GET1: variants seen among roughly 807,000 people sequenced by gnomAD.
GET1 encodes guided entry of tail-anchored proteins factor 1.
Under a neutral mutation model 22.6 loss-of-function variants are expected in GET1, and 20 were observed. The ratio of observed to expected loss-of-function variants is 0.89; its 90% confidence interval spans 0.62 to 1.29. The LOEUF (loss-of-function observed/expected upper bound fraction) is 1.29. Among genes scored for constraint, GET1 ranks in the 50% most tolerant of loss-of-function variants. The pLI, the probability that GET1 is intolerant of heterozygous loss-of-function variation, is 0.00. For missense variants in GET1, 209 were observed against 219.9 expected, an observed-to-expected ratio of 0.95 and a Z score of 0.31; for synonymous variants, 92 against 83.8, an observed-to-expected ratio of 1.10 and a Z score of -0.53.
chr21:39,415,111 T>A (rs2040902600), intron 1 of GET1, among the ~76,000 whole-genome samples: 1 of 152,234 alleles, frequency 6.6e-6, no homozygotes, highest in East Asian at 1.9e-4. Flanking sequence ...TCTGTTGCCT[T>A]GGCTGGTCTT....
intron 1 of GET1, among the ~76,000 whole-genome samples, chr21:39,383,156 G>A (rs370085950): frequency 1.1e-4 from 16 of 151,710 alleles, no homozygotes; most frequent in African/African-American, 3.4e-4. Context: ...AGGTTTCACC[G>A]AATTAGCCAG....
downstream of GET1, among the ~76,000 whole-genome samples, chr21:39,398,896 C>G (rs561098280): frequency 6.6e-6 from 1 of 152,040 alleles, no homozygotes; most frequent in East Asian, 1.9e-4. Context: ...CCCGCCATGA[C>G]GCCCAGCTAA....
exon 2 of GET1, chr21:39,428,335 T>C: frequency 6.2e-7 from 1 of 1,613,730 alleles, no homozygotes; most frequent in Non-Finnish European, 8.5e-7. Context: ...AGCACTGAGA[T>C]CTGCTATAAT....
chr21:39,411,638 C>T, intron 1 of GET1: 1 of 652,380 alleles, frequency 1.5e-6, no homozygotes, highest in Non-Finnish European at 2.6e-6. Flanking sequence ...TGAAAATATC[C>T]ATTATTTTGT....
At position 39,380,427 on chromosome 21, in the gene GET1, C is replaced by T; in HGVS notation, c.43C>T (p.Leu15Phe). The T allele has an allele frequency of 6.2e-7, 1 of 1,612,916 alleles. No homozygotes were observed. Among genetic ancestry groups the T allele is most frequent in the Non-Finnish European group, 8.5e-7 (1 of 1,179,518 alleles). ...AADHWAWLLV[L>F]SFVFGCNVLR... The stretch of plus-strand genomic sequence containing the variant: ...CGACCACTGGGCGTGGTTGCTGGTG[C>T]TCAGCTTCGTGTTTGGATGCAATGT... The change falls in exon 1 of 5, where the codon CTC becomes TTC. Residue 15 changes from leucine to phenylalanine, a missense_variant. By Grantham distance (22) the Leu-to-Phe change is conservative. Transcript: ENST00000649170.
downstream of GET1, among the ~76,000 whole-genome samples, chr21:39,407,363 C>T (rs2147085670): frequency 6.6e-6 from 1 of 152,258 alleles, no homozygotes; most frequent in South Asian, 2.1e-4. Flanking sequence ...GTTTGGTCCC[C>T]GCTGGTGGGT....
rs8133460 is a variant in GET1 at position 39,417,828 on chromosome 21, T to G, written c.*23+6891T>G. Among the ~76,000 whole-genome samples the G allele has an allele frequency of 3.9e-5, 6 of 151,902 alleles. No homozygotes were observed. The East Asian group carries it at 5.8e-4, about 15-fold the overall frequency. The stretch of plus-strand genomic sequence containing the variant: ...TCGCCCAGGCTGGAGTGCGGTGGCG[T>G]GATCTCCGCTCACTGCAAGCTCCGC... On this transcript the variant is annotated intron_variant, in intron 1 of 1. Transcript: ENST00000478273.
chr21:39,418,134 A>G (rs1242447225), intron 1 of GET1, among the ~76,000 whole-genome samples: 1 of 152,190 alleles, frequency 6.6e-6, no homozygotes, highest in Non-Finnish European at 1.5e-5. Flanking sequence ...ACAGCATGGG[A>G]AAGACCTGCC....
At chr21:39,426,814 T>A (rs1027473889) in intron 1 of GET1, among the ~76,000 whole-genome samples, 1 of 152,232 alleles carries the variant, frequency 6.6e-6, no homozygotes, top group East Asian at 1.9e-4. Context: ...AGAGAAGTAC[T>A]GGACTTTTCA....
At chr21:39,393,069 T>G (rs1601628767) in intron 3 of GET1, 97 bp from the exon 4 acceptor site, 1 of 1,035,224 alleles carries the variant, frequency 9.7e-7, no homozygotes, top group Non-Finnish European at 1.5e-6. Context: ...GTCTGGAGAG[T>G]TTTCCTGGTT....
Position 39,390,901 on chromosome 21 carries a change from C to CG in GET1, c.268+40dup, listed in dbSNP as rs756513253. ...TTGCAGCCTGGAGGCTTCATGAGAGCGGATGAATAGAGAAGTCTGTATGTG... is the reference window on the plus strand; with the variant it reads ...TTGCAGCCTGGAGGCTTCATGAGAGCGGGATGAATAGAGAAGTCTGTATGTG... On this transcript the variant is annotated intron_variant, in intron 2 of 4. Coordinates refer to ENST00000649170, the MANE Select transcript of GET1 (RefSeq NM_004627.6). 11 of 1,607,922 alleles carry CG rather than the reference C, an allele frequency of 6.8e-6. No homozygotes were observed. The South Asian group carries it at 1.2e-4, about 18-fold the overall frequency.
chr21:39,416,955 C>T (rs1365006178), intron 1 of GET1, among the ~76,000 whole-genome samples: 1 of 152,222 alleles, frequency 6.6e-6, no homozygotes, highest in Non-Finnish European at 1.5e-5. Flanking sequence ...TCTGCAGGTT[C>T]TGCATCCCGC....
At chr21:39,423,623 G>C (rs1482374747) in intron 1 of GET1, 2 of 680,538 alleles carry the variant, frequency 2.9e-6, no homozygotes, top group East Asian at 2.9e-5. Flanking sequence ...AGTGTAACTA[G>C]AAGGGGACAA....
chr21:39,411,964 C>T (rs1306910794), intron 1 of GET1, among the ~76,000 whole-genome samples: 4 of 152,150 alleles, frequency 2.6e-5, no homozygotes, highest in African/African-American at 4.8e-5. Context: ...TTCCTGACAT[C>T]GAAAAGTACT....
At chr21:39,400,242 T>C (rs1242286438), downstream of GET1, among the ~76,000 whole-genome samples, 2 of 152,224 alleles carry the variant, frequency 1.3e-5, no homozygotes, top group Non-Finnish European at 2.9e-5. Context: ...TTCTCCCTTA[T>C]GGTGGTGGTT....
chr21:39,388,505 A>G (rs2038077933), intron 1 of GET1, among the ~76,000 whole-genome samples: 1 of 152,056 alleles, frequency 6.6e-6, no homozygotes, highest in Admixed American at 6.6e-5. Flanking sequence ...CATGGCTGTC[A>G]TTTGTGGGTG....
chr21:39,406,046 C>T (rs760288961), exon 5 of GET1: 2 of 1,614,192 alleles, frequency 1.2e-6, no homozygotes, highest in Admixed American at 1.7e-5. Context: ...TTTGCAACAC[C>T]AGGACTTGAT....
downstream of GET1, among the ~76,000 whole-genome samples, chr21:39,399,941 G>GTC (rs2038798623): frequency 6.7e-6 from 1 of 148,368 alleles, no homozygotes; most frequent in Non-Finnish European, 1.5e-5. Flanking sequence ...TAGAGACAGG[G>GTC]TCTCACTATG....
intron 2 of GET1, 174 bp from the exon 3 acceptor site, chr21:39,391,592 CATA>C: frequency 1.7e-6 from 1 of 605,504 alleles, no homozygotes; most frequent in Non-Finnish European, 2.8e-6. Flanking sequence ...TAAATAATGG[CATA>C]ATGAGATGGT....
Sources: allele counts gnomAD v4.1 joint callset (sites outside exome capture counted in the v4.1 genomes callset), GRCh38; gene constraint gnomAD v4.1.1; transcripts MANE v1.5; gene names NCBI Gene and HGNC (gene_info 2026-07-23, HGNC 2026-07-21).